ABITRAM: variants seen among roughly 807,000 people sequenced by gnomAD.
ABITRAM encodes protein Abitram.
In ABITRAM, 19 loss-of-function variants were observed where a neutral mutation model predicts 22.9. The observed-to-expected ratio is 0.83, with a 90% CI of 0.58 to 1.22. ABITRAM has a LOEUF of 1.22. Ranked by LOEUF, ABITRAM falls within the 50% of genes most tolerant of loss-of-function variation. The pLI is 0.00. For synonymous variants in ABITRAM, 70 were observed against 73.9 expected (o/e 0.95, Z 0.27); for missense variants, 215 against 220.2 (o/e 0.98, Z 0.15).
At chr9:108,947,418 T>C (rs1830439520) in intron 3 of ABITRAM, among the ~76,000 whole-genome samples, 1 of 152,118 alleles carries the variant, frequency 6.6e-6, no homozygotes, top group African/African-American at 2.4e-5. Flanking sequence ...TGGCCTAAAG[T>C]GATAGAAATT....
downstream of ABITRAM, among the ~76,000 whole-genome samples, chr9:108,944,450 A>G (rs948214727): frequency 3.9e-5 from 6 of 152,188 alleles, no homozygotes; most frequent in African/African-American, 1.4e-4. Flanking sequence ...TGTCACCCAT[A>G]CATATTCCAT....
downstream of ABITRAM, among the ~76,000 whole-genome samples, chr9:108,941,396 T>C (rs1041565512): frequency 1.3e-5 from 2 of 152,212 alleles, no homozygotes; most frequent in Non-Finnish European, 2.9e-5. Flanking sequence ...AAGAATTGTG[T>C]ATAACATTTT....
At chr9:108,935,419 C>T (rs1830166686) in intron 1 of ABITRAM, among the ~76,000 whole-genome samples, 1 of 152,154 alleles carries the variant, frequency 6.6e-6, no homozygotes, top group Non-Finnish European at 1.5e-5. Context: ...AGTTAATTAC[C>T]TTAATGTTGA....
In ABITRAM at chr9:108,939,437, T is replaced by A; in HGVS notation, c.391T>A (p.Ser131Thr). ...GAATGAAAACATCCTCCATAAGCCA[T>A]CTATTCTTCAAGAAAAGGTAAAAGA... The part of the protein sequence containing the change: ...EVNENILHKP[S>T]ILQEKPSTEG... Residue 131 changes from serine (S) to threonine (T), a missense_variant, in exon 5 of 6, where the codon TCT becomes ACT. Physicochemically the swap from Ser to Thr is moderately conservative, Grantham distance 58. Coordinates refer to ENST00000322940, the MANE Select transcript of ABITRAM (RefSeq NM_017832.4). 6.2e-7 allele frequency: 1 copy of A among 1,610,342 alleles called. No individual in the cohort carries two copies. The highest frequency in any genetic ancestry group is 8.5e-7 in the Non-Finnish European group (1 of 1,179,052).
chr9:108,944,725 TAATG>T (rs1830349937), downstream of ABITRAM, among the ~76,000 whole-genome samples: 2 of 152,092 alleles, frequency 1.3e-5, no homozygotes, highest in South Asian at 2.1e-4. Context: ...GCGTCAGTAA[TAATG>T]GAGAGAACAG....
chr9:108,939,687 G>A lies in ABITRAM; in HGVS notation c.*1G>A. Reference sequence around the variant, plus strand: ...TAATGCCACAACAGCTACGTCATGAGGATTGACATGGAACAAAAAGCAAAG... The same window carrying A: ...TAATGCCACAACAGCTACGTCATGAAGATTGACATGGAACAAAAAGCAAAG... On this transcript the variant is annotated 3_prime_UTR_variant, in exon 6 of 6. Coordinates refer to ENST00000322940, the MANE Select transcript of ABITRAM (RefSeq NM_017832.4). The A allele has an allele frequency of 2.5e-6, 4 of 1,613,134 alleles. No homozygotes were observed. Among genetic ancestry groups the A allele is most frequent in the Non-Finnish European group, 3.4e-6 (4 of 1,179,626 alleles).
chr9:108,948,434 A>G lies in ABITRAM; in HGVS notation c.262-2073A>G, dbSNP rs41306486. On this transcript the variant is annotated intron_variant, in intron 3 of 3. Coordinates refer to the ABITRAM transcript ENST00000374624. ...ATTATTTATTAAGATATTTTTCCCC[A>G]AGTAAACCTTATGTTAATTTCATAA... 5.7e-3 allele frequency among the ~76,000 whole-genome samples: 863 copies of G among 152,280 alleles called. 21 individuals carry two copies. Among genetic ancestry groups the G allele is most frequent in the Non-Finnish European group, 4.1e-3 (282 of 68,002 alleles).
chr9:108,936,778 G>A (rs560596716), intron 3 of ABITRAM, among the ~76,000 whole-genome samples: 3 of 151,748 alleles, frequency 2.0e-5, no homozygotes, highest in Admixed American at 1.3e-4. Flanking sequence ...GTCGAGTTCT[G>A]TAAAATTTAG....
chr9:108,950,379 A>C (rs1360151739), intron 3 of ABITRAM: 1 of 1,031,706 alleles, frequency 9.7e-7, no homozygotes, highest in Non-Finnish European at 1.4e-6. Context: ...AACAACAGTT[A>C]AGAACAATGG....
chr9:108,948,807 G>A (rs1830476966), intron 3 of ABITRAM, among the ~76,000 whole-genome samples: 1 of 152,008 alleles, frequency 6.6e-6, no homozygotes, highest in Non-Finnish European at 1.5e-5. Context: ...AAAATGAAAA[G>A]TAAATTACAA....
rs995494514 is a variant in ABITRAM at position 108,946,419 on chromosome 9, C to T, written c.262-4088C>T. Among the ~76,000 whole-genome samples the T allele has an allele frequency of 2.6e-5, 4 of 152,136 alleles. No homozygotes were observed. The South Asian group carries it at 8.3e-4, about 32-fold the overall frequency. ...CCTTACTCTTCTGATACACCCAGCC[C>T]TACCCCTGCACCTCGGGGCTTTGCA... On this transcript the variant is annotated intron_variant, in intron 3 of 3. Coordinates refer to the ABITRAM transcript ENST00000374624.
chr9:108,940,962 T>C (rs1008509944), downstream of ABITRAM: 2 of 152,172 alleles, frequency 1.3e-5, no homozygotes, highest in African/African-American at 4.8e-5. Context: ...GAAGAAATCA[T>C]TCGATGTATT....
chr9:108,947,759 T>C (rs1277106519), intron 3 of ABITRAM, among the ~76,000 whole-genome samples: 34 of 152,200 alleles, frequency 2.2e-4, no homozygotes, highest in Admixed American at 2.2e-3. Flanking sequence ...CTTAATACCC[T>C]CTAATAGTCT....
At position 108,936,379 on chromosome 9, in the gene ABITRAM, A is replaced by G. The variant is rs1293111703; in HGVS notation, c.203A>G (p.Tyr68Cys). Reference protein sequence around the residue: ...QSGKTIKSISYQISTNCSRLQ... With the variant: ...QSGKTIKSISCQISTNCSRLQ... The stretch of plus-strand genomic sequence containing the variant: ...GGAAAAACAATTAAAAGCATTTCCT[A>G]TCAGATCAGTACCAACTGTAGCAGA... The change falls in exon 3 of 6, where the codon TAT becomes TGT. Residue 68 changes from tyrosine to cysteine, a missense_variant. Coordinates refer to ENST00000322940, the MANE Select transcript of ABITRAM (RefSeq NM_017832.4). The G allele has an allele frequency of 6.8e-6, 11 of 1,614,060 alleles. No individual in the cohort carries two copies. Among genetic ancestry groups the G allele is most frequent in the Middle Eastern group, 1.7e-4 (1 of 6,060 alleles).
chr9:108,950,142 A>G, intron 3 of ABITRAM, among the ~76,000 whole-genome samples: 1 of 152,150 alleles, frequency 6.6e-6, no homozygotes, highest in Admixed American at 6.5e-5. Context: ...AGTCAAAAAC[A>G]TTTTTTAAAA....
intron 1 of ABITRAM, among the ~76,000 whole-genome samples, chr9:108,935,167 G>A (rs989247269): frequency 4.6e-5 from 7 of 152,138 alleles, no homozygotes. Context: ...GTTATACTCA[G>A]TTTAAAAAAT....
At chr9:108,939,103 C>A in intron 3 of ABITRAM, 93 bp from the exon 4 acceptor site, 1 of 999,902 alleles carries the variant, frequency 1.0e-6, no homozygotes, top group Admixed American at 2.3e-5. Context: ...ACACCAGTTC[C>A]AGGAATACAT....
At chr9:108,946,969 T>A (rs1830423576) in intron 3 of ABITRAM, among the ~76,000 whole-genome samples, 1 of 152,200 alleles carries the variant, frequency 6.6e-6, no homozygotes, top group Admixed American at 6.5e-5. Context: ...ATAGCTCATT[T>A]ATAGTCTGCT....
chr9:108,945,463 CTTTT>C (rs578073650), downstream of ABITRAM, among the ~76,000 whole-genome samples: 3 of 135,484 alleles, frequency 2.2e-5, no homozygotes, highest in Non-Finnish European at 1.6e-5. Flanking sequence ...GGTTTTCTTC[CTTTT>C]TTTTTTTTTT....
Sources: gnomAD v4.1 joint callset for allele counts (sites outside exome capture counted in the v4.1 genomes callset) on GRCh38, gnomAD v4.1.1 for gene constraint, MANE v1.5 for transcripts, NCBI Gene and HGNC (gene_info 2026-07-23, HGNC 2026-07-21) for gene names.